The following ASH1L variants were observed in gnomAD, a reference collection of about 807,000 sequenced individuals.
The protein encoded by ASH1L is histone-lysine N-methyltransferase ASH1L.
A neutral mutation model predicts 269.0 loss-of-function variants in ASH1L; 23 were observed. The ratio of observed to expected loss-of-function variants is 0.09; its 90% CI spans 0.06 to 0.12. The LOEUF (loss-of-function observed/expected upper bound fraction) is 0.12. Ranked by LOEUF, ASH1L falls within the 10% of genes least tolerant of loss-of-function variation. The pLI is 1.00. For missense variants in ASH1L, 2,912 were observed against 3,567.8 expected (o/e 0.82, Z 4.68); for synonymous variants, 1,187 against 1,253.5 (o/e 0.95, Z 1.12).
intron 7 of ASH1L, among the ~76,000 whole-genome samples, chr1:155,390,618 A>C (rs985188892): frequency 4.7e-5 from 7 of 147,940 alleles, no homozygotes; most frequent in Admixed American, 4.0e-4. Flanking sequence ...AGATATCTGT[A>C]GTTAATATCA....
intron 7 of ASH1L, among the ~76,000 whole-genome samples, chr1:155,385,580 A>G (rs1657358020): frequency 6.6e-6 from 1 of 152,202 alleles, no homozygotes; most frequent in South Asian, 2.1e-4. Context: ...AGATAATTCT[A>G]ATGTCTTGGT....
intron 15 of ASH1L, among the ~76,000 whole-genome samples, chr1:155,355,661 T>C (rs1409085157): frequency 6.6e-6 from 1 of 152,196 alleles, no homozygotes; most frequent in East Asian, 1.9e-4. Flanking sequence ...CCCATGCTAA[T>C]AGGCAGCCAA....
At chr1:155,342,188 A>T (rs1373617716) in intron 24 of ASH1L, 86 bp from the exon 25 acceptor site, 2 of 1,297,840 alleles carry the variant, frequency 1.5e-6, no homozygotes, top group Non-Finnish European at 2.2e-6. Context: ...CCAATGGGAG[A>T]GCAGCTAGAC....
At chr1:155,557,525 C>G (rs539425633) in intron 1 of ASH1L, among the ~76,000 whole-genome samples, 1 of 152,100 alleles carries the variant, frequency 6.6e-6, no homozygotes, top group East Asian at 1.9e-4. Context: ...TGTGATCCGC[C>G]CACCTCGGCC....
Position 155,481,490 on chromosome 1 carries a change from G to A in ASH1L, c.1380C>T (p.Ala460=). The change falls in exon 3 of 28, where the codon GCC becomes GCT. Residue 460 remains alanine, a synonymous_variant. Coordinates refer to ENST00000392403, the MANE Select transcript of ASH1L (RefSeq NM_018489.3). The part of the protein sequence containing the change: ...QELSESLKDS[A]TSKTFEKNVV... ...CATTCTTTTCAAAAGTTTTGCTGGT[G>A]GCACTATCTTTCAGGGATTCAGAAA... is the stretch of plus-strand genomic sequence containing the variant. 6.2e-7 allele frequency: 1 copy of A among 1,614,054 alleles called. No individual in the cohort carries two copies. Among genetic ancestry groups the A allele is most frequent in the South Asian group, 1.1e-5 (1 of 91,070 alleles).
chr1:155,482,438 C>T lies in ASH1L; in HGVS notation c.432G>A (p.Lys144=), dbSNP rs369686967. 6.8e-6 allele frequency: 11 copies of T among 1,607,180 alleles called. No homozygotes were observed. Among genetic ancestry groups the T allele is most frequent in the East Asian group, 2.2e-5 (1 of 44,826 alleles). The change falls in exon 3 of 28, where the codon AAG becomes AAA. Residue 144 remains lysine, a synonymous_variant. Transcript: ENST00000392403. The part of the protein sequence containing the change: ...EHCPSKRDPS[K]LYKKADDVAA... ...CAACATCATCTGCTTTCTTGTACAA[C>T]TTTGAAGGGTCCTAAAATTTGAACA...
At chr1:155,443,181 C>G (rs1475651365) in intron 4 of ASH1L, among the ~76,000 whole-genome samples, 1 of 152,218 alleles carries the variant, frequency 6.6e-6, no homozygotes, top group Non-Finnish European at 1.5e-5. Context: ...TTTATCTCCT[C>G]TATCCCTTCA....
At chr1:155,354,378 G>A in intron 16 of ASH1L, 95 bp downstream of exon 16, 2 of 1,127,208 alleles carry the variant, frequency 1.8e-6, no homozygotes, top group Non-Finnish European at 2.5e-6. Flanking sequence ...AGGAGGCAGA[G>A]GTTGCAGTGA....
chr1:155,466,509 T>C (rs1208973955), intron 3 of ASH1L, among the ~76,000 whole-genome samples: 1 of 152,230 alleles, frequency 6.6e-6, no homozygotes, highest in African/African-American at 2.4e-5. Flanking sequence ...TTTTCTTTCA[T>C]CTCTGTAGGT....
At chr1:155,563,063 G>T (rs192789180), upstream of ASH1L, 78 of 458,680 alleles carry the variant, frequency 1.7e-4, 1 homozygote, top group Middle Eastern at 2.6e-3. Flanking sequence ...CGAGCCCCAC[G>T]ACAACCTACC....
chr1:155,543,989 T>A (rs1439173363), intron 1 of ASH1L, among the ~76,000 whole-genome samples: 2 of 152,156 alleles, frequency 1.3e-5, no homozygotes, highest in Admixed American at 6.6e-5. Context: ...ATTTATTTTT[T>A]ATTTTTATTT....
chr1:155,416,050 T>C lies in ASH1L; in HGVS notation c.5829-127A>G. 1.0e-5 allele frequency: 7 copies of C among 692,496 alleles called. No homozygotes were observed. The South Asian group carries it at 1.4e-4, about 14-fold the overall frequency. The allele number at this position is 692,496 out of a possible 1,614,324, so 42.9% of individuals were successfully genotyped here. On this transcript the variant is annotated intron_variant, in intron 5 of 27. Transcript: ENST00000392403. ...ATATGGGGACTTCCTTATCTGGCCA[T>C]GTTTAAATAACTGGTACCAGACTTC...
chr1:155,365,364 C>G (rs534700681), intron 12 of ASH1L, among the ~76,000 whole-genome samples: 2 of 149,006 alleles, frequency 1.3e-5, no homozygotes, highest in African/African-American at 2.5e-5. Context: ...TGCCACTATG[C>G]CCGGCTGATT....
At chr1:155,535,092 G>A (rs547400640) in intron 1 of ASH1L, among the ~76,000 whole-genome samples, 4 of 152,156 alleles carry the variant, frequency 2.6e-5, no homozygotes, top group Non-Finnish European at 2.9e-5. Flanking sequence ...GGGAGGCTGA[G>A]GCAGGAGAAT....
intron 2 of ASH1L, among the ~76,000 whole-genome samples, chr1:155,506,941 T>C (rs1374825165): frequency 6.6e-6 from 1 of 150,918 alleles, no homozygotes; most frequent in Non-Finnish European, 1.5e-5. Flanking sequence ...AAAAGAAAAA[T>C]ATTTAACTTT....
Position 155,438,956 on chromosome 1 carries a change from A to G in ASH1L, c.5199T>C (p.Ser1733=), listed in dbSNP as rs72993421. ...QNEDQEPMEK[S]IDAVIATASA... ...AGGCAGTTGCAATCACAGCATCAAT[A>G]CTTTTCTCCATGGGCTCTTGGTCCT... Residue 1733 remains serine, a synonymous_variant, in exon 5 of 28, where the codon AGT becomes AGC. Transcript: ENST00000392403. The G allele has an allele frequency of 9.9e-4, 1,594 of 1,614,132 alleles. 13 individuals are homozygous for G. The African/African-American group carries it at 0.019, about 19-fold the overall frequency.
intron 7 of ASH1L, among the ~76,000 whole-genome samples, chr1:155,382,998 C>T (rs755504794): frequency 2.0e-5 from 3 of 152,316 alleles, no homozygotes. Context: ...GTTGGGATTA[C>T]AGGCGTAAGC....
At chr1:155,465,328 ATAGT>A (rs1442610692) in intron 3 of ASH1L, among the ~76,000 whole-genome samples, 3 of 151,562 alleles carry the variant, frequency 2.0e-5, no homozygotes, top group Non-Finnish European at 4.4e-5. Context: ...AATTAAATCA[ATAGT>A]TGGTTGGACA....
At chr1:155,422,112 A>G (rs555727254) in intron 5 of ASH1L, among the ~76,000 whole-genome samples, 3 of 152,066 alleles carry the variant, frequency 2.0e-5, no homozygotes, top group Non-Finnish European at 4.4e-5. Context: ...ATCATAAAAT[A>G]TATGTCCACT....
Sources: gnomAD v4.1 joint callset for allele counts (sites outside exome capture counted in the v4.1 genomes callset) on GRCh38, gnomAD v4.1.1 for gene constraint, MANE v1.5 for transcripts, NCBI Gene and HGNC (gene_info 2026-07-23, HGNC 2026-07-21) for gene names.